IQCB1: variants seen among roughly 807,000 people sequenced by gnomAD.
IQCB1 encodes IQ motif containing B1.
In IQCB1, 56 loss-of-function variants were observed where a neutral mutation model predicts 84.4. The observed-to-expected ratio is 0.66, with a 90% CI of 0.54 to 0.83. The LOEUF is 0.83. IQCB1 is among the 40% of genes least tolerant of loss of function. The pLI is 0.00. For synonymous variants in IQCB1, 210 were observed against 234.8 expected (o/e 0.89, Z 0.96); for missense variants, 629 against 682.1 (o/e 0.92, Z 0.87).
intron 8 of IQCB1, among the ~76,000 whole-genome samples, chr3:121,798,208 C>T (rs998322825): frequency 6.6e-6 from 1 of 151,832 alleles, no homozygotes; most frequent in East Asian, 1.9e-4. Flanking sequence ...TCCTACAATA[C>T]CCTCAGTAAT....
intron 10 of IQCB1, among the ~76,000 whole-genome samples, chr3:121,792,165 A>G (rs1949005279): frequency 6.6e-6 from 1 of 152,236 alleles, no homozygotes; most frequent in African/African-American, 2.4e-5. Flanking sequence ...ATACTGCATT[A>G]TCAATATTTT....
At chr3:121,788,186 T>A (rs1029086386) in intron 12 of IQCB1, 98 bp downstream of exon 12, 14 of 1,222,724 alleles carry the variant, frequency 1.1e-5, no homozygotes, top group Non-Finnish European at 7.2e-6. Flanking sequence ...AAACTAAGTG[T>A]CTTGACCAAG....
chr3:121,786,212 A>AAAGAAAAGAAAAGAAAAGAC (rs1948732160), intron 12 of IQCB1, among the ~76,000 whole-genome samples: 1 of 143,794 alleles, frequency 7.0e-6, no homozygotes, highest in African/African-American at 2.6e-5. Context: ...AAAGAAAAGA[A>AAAGAAAAGAAAAGAAAAGAC]AAGGATGCTT....
intron 6 of IQCB1, 50 bp downstream of exon 6, chr3:121,808,866 G>T: frequency 9.3e-7 from 1 of 1,074,594 alleles, no homozygotes; most frequent in Non-Finnish European, 1.4e-6. Flanking sequence ...CAAACTGTTA[G>T]CAGTTGACTC....
intron 5 of IQCB1, among the ~76,000 whole-genome samples, chr3:121,821,324 A>G (rs1950266683): frequency 6.6e-6 from 1 of 152,070 alleles, no homozygotes; most frequent in African/African-American, 2.4e-5. Context: ...CTGCACTGGG[A>G]CTCAAAGATG....
At chr3:121,817,471 AT>A (rs1476945489) in intron 5 of IQCB1, among the ~76,000 whole-genome samples, 1 of 152,098 alleles carries the variant, frequency 6.6e-6, no homozygotes, top group Non-Finnish European at 1.5e-5. Context: ...TGCCAACAGT[AT>A]TTCTTATACT....
chr3:121,831,667 T>C (rs1950645209), intron 2 of IQCB1, among the ~76,000 whole-genome samples: 2 of 152,208 alleles, frequency 1.3e-5, no homozygotes, highest in South Asian at 2.1e-4. Context: ...CGCTGCAGAA[T>C]TGATTGCTTG....
intron 14 of IQCB1, among the ~76,000 whole-genome samples, chr3:121,771,570 G>T (rs1318303935): frequency 5.9e-5 from 9 of 151,806 alleles, no homozygotes; most frequent in African/African-American, 2.2e-4. Context: ...CTCGTGATCC[G>T]CCCACTTCGG....
At position 121,770,503 on chromosome 3, in the gene IQCB1, C is replaced by G; in HGVS notation, c.1639G>C (p.Ala547Pro). 6.2e-7 allele frequency: 1 copy of G among 1,614,216 alleles called. No homozygotes were observed. The highest frequency in any genetic ancestry group is 8.5e-7 in the Non-Finnish European group (1 of 1,180,020). The change falls in exon 15 of 15, where the codon GCC (alanine) becomes CCC (proline). Residue 547 changes from alanine to proline, a missense_variant. Transcript: ENST00000310864. ...GTGAGATGGGCCTGCTTGGCCTTGG[C>G]TGCCACAGGCCTGGATCTACTTAGG... is the stretch of plus-strand genomic sequence containing the variant. ...LFLSRSRPVA[A>P]KAKQAHLTTL...
chr3:121,826,307 TGTTG>T, intron 4 of IQCB1, 127 bp from the exon 5 acceptor site: 1 of 936,572 alleles, frequency 1.1e-6, no homozygotes, highest in Non-Finnish European at 1.7e-6. Context: ...AAAGAATTTT[TGTTG>T]AAAAATTAGT....
chr3:121,791,755 G>A (rs1192950861), intron 10 of IQCB1, among the ~76,000 whole-genome samples: 1 of 152,180 alleles, frequency 6.6e-6, no homozygotes, highest in Non-Finnish European at 1.5e-5. Flanking sequence ...GTAAAAGAGA[G>A]CAGGCCCTAA....
Position 121,772,674 on chromosome 3 carries a change from C to T in IQCB1, c.1450G>A (p.Ala484Thr), listed in dbSNP as rs776788131. The T allele has an allele frequency of 5.9e-5, 95 of 1,614,064 alleles. 1 individual carries two copies. In the South Asian group the frequency reaches 1.0e-3, roughly 17 times the overall value. ...MSDVVSRELH[A>T]QAQERLQHYF... Reference sequence around the variant, plus strand: ...TGTTGCAGTCGTTCTTGAGCTTGGGCATGGAGCTCCCTACTGACCACATCT... The same window carrying T: ...TGTTGCAGTCGTTCTTGAGCTTGGGTATGGAGCTCCCTACTGACCACATCT... Residue 484 changes from alanine to threonine, a missense_variant, in exon 14 of 15, where the codon GCC becomes ACC. Ala to Thr is a moderately conservative substitution (Grantham distance 58). Transcript: ENST00000310864.
At chr3:121,776,975 TGAAGA>T (rs1347759567) in intron 13 of IQCB1, among the ~76,000 whole-genome samples, 16 of 152,360 alleles carry the variant, frequency 1.1e-4, no homozygotes, top group African/African-American at 3.4e-4. Flanking sequence ...TGGTGTCTTA[TGAAGA>T]GAAGTTTTAA....
chr3:121,779,306 T>C (rs1948376601), intron 13 of IQCB1, among the ~76,000 whole-genome samples: 2 of 152,110 alleles, frequency 1.3e-5, no homozygotes, highest in African/African-American at 4.8e-5. Flanking sequence ...AGCTCAGTAA[T>C]GGTCTTTTCA....
intron 7 of IQCB1, among the ~76,000 whole-genome samples, chr3:121,803,995 T>A (rs925249532): frequency 6.6e-6 from 1 of 152,118 alleles, no homozygotes; most frequent in Non-Finnish European, 1.5e-5. Flanking sequence ...TTCTTCTTTT[T>A]TTTTTACTTC....
intron 7 of IQCB1, among the ~76,000 whole-genome samples, chr3:121,801,527 A>C (rs1485030465): frequency 6.6e-6 from 1 of 152,024 alleles, no homozygotes; most frequent in Non-Finnish European, 1.5e-5. Flanking sequence ...TATCTACCCC[A>C]TATCAAAACA....
chr3:121,790,187 T>C lies in IQCB1; in HGVS notation c.1015A>G (p.Ile339Val), dbSNP rs1213083507. Residue 339 changes from isoleucine (I) to valine (V), a missense_variant, in exon 11 of 15, where the codon ATA (isoleucine) becomes GTA (valine). Ile to Val is a conservative substitution (Grantham distance 29). Coordinates refer to ENST00000310864, the MANE Select transcript of IQCB1 (RefSeq NM_001023570.4). ...TCCTCTTCTTCCTTCTGCCTATTTA[T>C]CTCCAGCAACATCTTTGATCGTTTG... is the stretch of plus-strand genomic sequence containing the variant. Reference protein sequence around the residue: ...RSKRSKMLLEINRQKEEEDLK... With the variant: ...RSKRSKMLLEVNRQKEEEDLK... 1 of 1,613,830 alleles carries C rather than the reference T, an allele frequency of 6.2e-7. No individual in the cohort carries two copies. The highest frequency in any genetic ancestry group is 1.7e-5 in the Admixed American group (1 of 60,022).
At chr3:121,831,177 G>A (rs555906115) in intron 2 of IQCB1, among the ~76,000 whole-genome samples, 59 of 59,890 alleles carry the variant, frequency 9.9e-4, no homozygotes, top group South Asian at 2.3e-3. Context: ...TTGTATCCTA[G>A]TATTTTTTTT....
At position 121,817,431 on chromosome 3, in the gene IQCB1, A is replaced by C. The variant is rs554454696; in HGVS notation, c.394-8422T>G. On this transcript the variant is annotated intron_variant, in intron 5 of 14. Coordinates refer to ENST00000310864, the MANE Select transcript of IQCB1 (RefSeq NM_001023570.4). ...CCCAGAACTGAAAGTATAATAAAAA[A>C]AAAAGAAAAGAAAAGAAAAAGAAAT... is the stretch of plus-strand genomic sequence containing the variant. 1.2e-4 allele frequency among the ~76,000 whole-genome samples: 18 copies of C among 152,188 alleles called. No homozygotes were observed. In the East Asian group the frequency reaches 3.3e-3, roughly 28 times the overall value.
Sources: gnomAD v4.1 joint callset for allele counts (sites outside exome capture counted in the v4.1 genomes callset) on GRCh38, gnomAD v4.1.1 for gene constraint, MANE v1.5 for transcripts, NCBI Gene and HGNC (gene_info 2026-07-23, HGNC 2026-07-21) for gene names.